The following FARP1 variants were observed in gnomAD, a reference collection of about 807,000 sequenced individuals.
The protein encoded by FARP1 is FERM, ARH/RhoGEF and pleckstrin domain protein 1.
A neutral mutation model predicts 128.8 loss-of-function variants in FARP1; 52 were observed. The observed-to-expected ratio is 0.40, with a 90% CI of 0.32 to 0.51. The LOEUF is 0.51. Among genes scored for constraint, FARP1 ranks in the 20% least tolerant of loss-of-function variants. The pLI is 0.45. For missense variants in FARP1, 1,333 were observed against 1,367.9 expected (o/e 0.97, Z 0.40); for synonymous variants, 580 against 551.8 (o/e 1.05, Z -0.72).
intron 1 of FARP1, among the ~76,000 whole-genome samples, chr13:98,167,653 G>A (rs1449767936): frequency 2.6e-5 from 4 of 151,582 alleles, no homozygotes; most frequent in Admixed American, 6.6e-5. Context: ...CAAATGATCC[G>A]CCCGCCTCAG....
chr13:98,318,024 T>C (rs1408609344), intron 2 of FARP1, among the ~76,000 whole-genome samples: 6 of 149,228 alleles, frequency 4.0e-5, no homozygotes, highest in African/African-American at 1.5e-4. Context: ...CATCTCCTTC[T>C]TCCTCCTCCT....
At chr13:98,154,376 A>C (rs1876348138) in intron 1 of FARP1, among the ~76,000 whole-genome samples, 1 of 152,190 alleles carries the variant, frequency 6.6e-6, no homozygotes, top group South Asian at 2.1e-4. Flanking sequence ...CATCATGGTT[A>C]TATATTTTTT....
chr13:98,430,929 CAA>C (rs1170984482), intron 17 of FARP1, 112 bp from the exon 18 acceptor site: 3 of 677,078 alleles, frequency 4.4e-6, no homozygotes, highest in Non-Finnish European at 7.9e-6. Flanking sequence ...GGAAATTAAA[CAA>C]ATCGTGAAAT....
intron 2 of FARP1, chr13:98,328,858 T>G (rs893163162): frequency 2.0e-5 from 3 of 152,170 alleles, no homozygotes; most frequent in Non-Finnish European, 4.4e-5. Flanking sequence ...GGCGAGAGAT[T>G]TCCTCACTAC....
At chr13:98,435,798 T>G in intron 19 of FARP1, 92 bp downstream of exon 19, 1 of 1,360,594 alleles carries the variant, frequency 7.3e-7, no homozygotes, top group Non-Finnish European at 1.1e-6. Flanking sequence ...GAGAGACCCT[T>G]GCAAAGCAAA....
In FARP1 at chr13:98,172,365, C is replaced by T. The variant is rs141227312; in HGVS notation, c.-24+28873C>T. On this transcript the variant is annotated intron_variant, in intron 1 of 26. Coordinates refer to ENST00000319562, the MANE Select transcript of FARP1 (RefSeq NM_005766.4). The stretch of plus-strand genomic sequence containing the variant: ...TGGCACGGGGGCTGGGGCTGGTCTC[C>T]GGCAGTGCCACTGAGCAGTTATGTG... Among the ~76,000 whole-genome samples, 534 of 151,854 alleles carry T rather than the reference C, an allele frequency of 3.5e-3. 1 individual carries two copies. Among genetic ancestry groups the T allele is most frequent in the African/African-American group, 4.7e-3 (194 of 41,388 alleles).
chr13:98,283,403 T>G (rs1489370961), intron 2 of FARP1, among the ~76,000 whole-genome samples: 1 of 152,142 alleles, frequency 6.6e-6, no homozygotes, highest in Non-Finnish European at 1.5e-5. Context: ...TGTACAGCAA[T>G]TAAAAGCTTA....
intron 5 of FARP1, among the ~76,000 whole-genome samples, chr13:98,373,574 AC>A (rs1889453390): frequency 6.6e-6 from 1 of 151,464 alleles, no homozygotes; most frequent in Admixed American, 6.6e-5. Flanking sequence ...ACACACACAC[AC>A]ACACACAGAA....
chr13:98,435,381 A>G, intron 18 of FARP1, 195 bp from the exon 19 acceptor site: 1 of 555,262 alleles, frequency 1.8e-6, no homozygotes, highest in Non-Finnish European at 3.1e-6. Context: ...AAGATGCTAA[A>G]GTGAAGCAAA....
intron 21 of FARP1, 72 bp from the exon 22 acceptor site, chr13:98,439,889 T>G (rs1160906035): frequency 8.8e-7 from 1 of 1,135,270 alleles, no homozygotes; most frequent in Non-Finnish European, 1.3e-6. Context: ...CCAAGTTGCC[T>G]GGCTGCCAGC....
At chr13:98,401,927 T>C (rs1890789261) in intron 13 of FARP1, 1 of 152,184 alleles carries the variant, frequency 6.6e-6, no homozygotes, top group Non-Finnish European at 1.5e-5. Context: ...CTTCAGCATC[T>C]TCTCGGCGCC....
chr13:98,346,337 C>T (rs1888177649), intron 3 of FARP1, among the ~76,000 whole-genome samples: 2 of 151,476 alleles, frequency 1.3e-5, no homozygotes, highest in Admixed American at 1.3e-4. Flanking sequence ...TTACAGGTGC[C>T]CACCATCACG....
intron 1 of FARP1, among the ~76,000 whole-genome samples, chr13:98,150,851 A>G (rs1467415024): frequency 4.6e-5 from 7 of 152,164 alleles, no homozygotes; most frequent in Non-Finnish European, 1.0e-4. Flanking sequence ...TTAAAGTCCC[A>G]AACTGAGTTG....
In FARP1 at chr13:98,409,383, C is replaced by T. The variant is rs201301105; in HGVS notation, c.1460C>T (p.Ser487Leu). The T allele has an allele frequency of 1.4e-4, 220 of 1,613,778 alleles. No homozygotes were observed. Among genetic ancestry groups the T allele is most frequent in the Middle Eastern group, 1.6e-4 (1 of 6,078 alleles). Reference sequence around the variant, plus strand: ...CACCTTTCCGAGCTGTCTGTGAACTCGCAGGGGGGAGTGGCCCCTGCCAAC... The same window carrying T: ...CACCTTTCCGAGCTGTCTGTGAACTTGCAGGGGGGAGTGGCCCCTGCCAAC... ...SPHLSELSVN[S>L]QGGVAPANVT... is the part of the protein sequence containing the mutation. Residue 487 changes from serine (S) to leucine (L), a missense_variant, in exon 14 of 27, where the codon TCG becomes TTG. This residue lies in a region of FARP1 where 1,009 missense variants were observed against 969.8 expected (regional missense o/e 1.04). Transcript: ENST00000319562.
Position 98,435,661 on chromosome 13 carries a change from CAAG to C in FARP1, c.2232_2234del (p.Lys745del). The C allele has an allele frequency of 6.2e-7, 1 of 1,614,120 alleles. No homozygotes were observed. The highest frequency in any genetic ancestry group is 1.1e-5 in the South Asian group (1 of 91,086). ...AGAATTTCCAGAAGCTGCACGAACT[CAAG>C]AAAGATTTGATTGGCATTGACAATC... On this transcript the variant is annotated inframe_deletion, in exon 19 of 27. Coordinates refer to ENST00000319562, the MANE Select transcript of FARP1 (RefSeq NM_005766.4).
chr13:98,413,515 C>A (rs1304505454), intron 16 of FARP1, among the ~76,000 whole-genome samples: 1 of 151,948 alleles, frequency 6.6e-6, no homozygotes, highest in Non-Finnish European at 1.5e-5. Flanking sequence ...ATTTAATTAG[C>A]CAGGCATAGT....
At chr13:98,370,401 G>C (rs1889275609) in intron 5 of FARP1, among the ~76,000 whole-genome samples, 1 of 152,196 alleles carries the variant, frequency 6.6e-6, no homozygotes. Context: ...CATCCTGTGA[G>C]GAGGCGGTCA....
chr13:98,379,124 T>A (rs1330544664), intron 6 of FARP1, among the ~76,000 whole-genome samples: 2 of 53,378 alleles, frequency 3.7e-5, no homozygotes, highest in Non-Finnish European at 5.9e-5. Flanking sequence ...CTATATATAA[T>A]ATATATATAA....
At chr13:98,400,393 A>G (rs1890712636) in intron 13 of FARP1, 1 of 152,238 alleles carries the variant, frequency 6.6e-6, no homozygotes, top group Non-Finnish European at 1.5e-5. Context: ...TGTTGTTGAA[A>G]CTGCCATGAG....
Sources: allele counts gnomAD v4.1 joint callset (sites outside exome capture counted in the v4.1 genomes callset), GRCh38; gene constraint gnomAD v4.1.1; regional missense constraint gnomAD v4.1.1; transcripts MANE v1.5; gene names NCBI Gene and HGNC (gene_info 2026-07-23, HGNC 2026-07-21).